The following AKAP6 variants were observed in gnomAD, a reference collection of about 807,000 sequenced individuals.
The protein encoded by AKAP6 is A-kinase anchor protein 6.
AKAP6 carries 58 observed loss-of-function variants against 188.5 expected under a neutral mutation model. The ratio of observed to expected loss-of-function variants is 0.31; its 90% CI spans 0.25 to 0.38. The LOEUF (loss-of-function observed/expected upper bound fraction) is 0.38, where lower values mean the gene tolerates loss of function less well. Among genes scored for constraint, AKAP6 ranks in the 10% least tolerant of loss-of-function variants. The pLI is 1.00. For synonymous variants in AKAP6, 989 were observed against 998.6 expected, an observed-to-expected ratio of 0.99 and a Z score of 0.18; for missense variants, 2,710 against 2,740.0, an observed-to-expected ratio of 0.99 and a Z score of 0.24.
intron 12 of AKAP6, among the ~76,000 whole-genome samples, chr14:32,814,979 T>C (rs1023304977): frequency 9.8e-5 from 15 of 152,298 alleles, no homozygotes; most frequent in Non-Finnish European, 2.9e-5. Flanking sequence ...ACAGTCAGAG[T>C]ACCTGTCCTC....
intron 2 of AKAP6, among the ~76,000 whole-genome samples, chr14:32,472,369 T>C (rs951345671): frequency 6.6e-6 from 1 of 152,056 alleles, no homozygotes; most frequent in African/African-American, 2.4e-5. Flanking sequence ...GTGGGGTAAA[T>C]AAGTGTCTTG....
chr14:32,488,609 C>G (rs1879828469), intron 2 of AKAP6, among the ~76,000 whole-genome samples: 1 of 152,180 alleles, frequency 6.6e-6, no homozygotes, highest in Non-Finnish European at 1.5e-5. Context: ...AGCTAGGTAT[C>G]TGCTCAAATG....
chr14:32,577,260 G>T lies in AKAP6; in HGVS notation c.2469+18G>T. ...CACACTTGGTAGGCAAGATTGTGTT[G>T]TTCTTGCTGTCAATAATCAAAGGAT... On this transcript the variant is annotated intron_variant, in intron 5 of 13. Transcript: ENST00000280979. 3 of 1,601,998 alleles carry T rather than the reference G, an allele frequency of 1.9e-6. No individual in the cohort carries two copies. The South Asian group carries it at 3.4e-5, about 18-fold the overall frequency.
chr14:32,490,154 G>A (rs1594671161), intron 2 of AKAP6, among the ~76,000 whole-genome samples: 1 of 146,406 alleles, frequency 6.8e-6, no homozygotes, highest in Admixed American at 6.8e-5. Context: ...GGATAGGGCA[G>A]AACAAATCAC....
chr14:32,811,935 G>A (rs2034247392), intron 12 of AKAP6, among the ~76,000 whole-genome samples: 1 of 152,232 alleles, frequency 6.6e-6, no homozygotes, highest in South Asian at 2.1e-4. Flanking sequence ...AACTTCACTT[G>A]TTTACATGAC....
rs547401145 is a variant in AKAP6, at chr14:32,566,334, T to TATTA, written c.2347-10785_2347-10782dup. Among the ~76,000 whole-genome samples the TATTA allele has an allele frequency of 3.9e-5, 6 of 151,914 alleles. No homozygotes were observed. The South Asian group carries it at 1.2e-3, about 31-fold the overall frequency. On this transcript the variant is annotated intron_variant, in intron 4 of 13. Transcript: ENST00000280979. ...ATGTTCATATATTTATGTTAATATA[T>TATTA]ATTATTATTTTTAGTTAATACATAT...
chr14:32,706,057 A>G (rs1420449639), intron 9 of AKAP6, among the ~76,000 whole-genome samples: 1 of 152,130 alleles, frequency 6.6e-6, no homozygotes, highest in Admixed American at 6.6e-5. Flanking sequence ...AGCTAGAAAT[A>G]TTTGTGGAGC....
Position 32,545,771 on chromosome 14 carries a change from T to G in AKAP6, c.1118T>G (p.Ile373Ser). The G allele has an allele frequency of 6.2e-7, 1 of 1,614,150 alleles. No individual in the cohort carries two copies. ...PCENATPKRT[I>S]RDCFNYNEDS... The stretch of plus-strand genomic sequence containing the variant: ...GAAAATGCAACCCCCAAACGAACCA[T>G]CAGAGATTGCTTTAATTATAACGAG... The change falls in exon 4 of 14, where the codon ATC becomes AGC. Residue 373 changes from isoleucine (I) to serine (S), a missense_variant. By Grantham distance (142) the Ile-to-Ser change is moderately radical. Coordinates refer to ENST00000280979, the MANE Select transcript of AKAP6 (RefSeq NM_004274.5).
At chr14:32,671,722 TGCAGATAG>T (rs1248608489) in intron 7 of AKAP6, among the ~76,000 whole-genome samples, 1 of 152,076 alleles carries the variant, frequency 6.6e-6, no homozygotes, top group African/African-American at 2.4e-5. Flanking sequence ...TGCACCCAGA[TGCAGATAG>T]GCAGTAGTAG....
intron 1 of AKAP6, among the ~76,000 whole-genome samples, chr14:32,344,129 T>G (rs1886988747): frequency 1.3e-5 from 2 of 152,162 alleles, no homozygotes; most frequent in Non-Finnish European, 2.9e-5. Context: ...CCAGTCCCTT[T>G]TGCTACTCAT....
chr14:32,706,785 A>AT (rs1890829256), intron 9 of AKAP6, among the ~76,000 whole-genome samples: 2 of 152,072 alleles, frequency 1.3e-5, no homozygotes, highest in South Asian at 4.1e-4. Flanking sequence ...ACCTTGATTC[A>AT]TTTACATAAG....
At chr14:32,616,702 G>C in intron 7 of AKAP6, among the ~76,000 whole-genome samples, 1 of 151,892 alleles carries the variant, frequency 6.6e-6, no homozygotes, top group East Asian at 1.9e-4. Flanking sequence ...CCCAATAACA[G>C]GTTTACCTGT....
intron 9 of AKAP6, among the ~76,000 whole-genome samples, chr14:32,702,562 A>G (rs1277364524): frequency 2.6e-5 from 4 of 152,052 alleles, no homozygotes; most frequent in Non-Finnish European, 5.9e-5. Flanking sequence ...AAAAGAAAAA[A>G]AAAAAGATGT....
chr14:32,561,660 T>C (rs1242265915), intron 4 of AKAP6, among the ~76,000 whole-genome samples: 1 of 152,216 alleles, frequency 6.6e-6, no homozygotes, highest in Non-Finnish European at 1.5e-5. Context: ...GCTGCATTCC[T>C]AGCACTGTAA....
rs189662201 is a variant in AKAP6 at position 32,701,845 on chromosome 14, G to A, written c.3000+5735G>A. 1.4e-4 allele frequency among the ~76,000 whole-genome samples: 21 copies of A among 152,250 alleles called. 1 individual carries two copies. Among genetic ancestry groups the A allele is most frequent in the Admixed American group, 1.4e-3 (21 of 15,298 alleles). On this transcript the variant is annotated intron_variant, in intron 9 of 13. Transcript: ENST00000280979. ...AAACTTGAGCCCCTAAAAGTGTAAT[G>A]TTAGGTTGGTTCATGGTCCAGGTCA...
intron 7 of AKAP6, among the ~76,000 whole-genome samples, chr14:32,606,446 G>A (rs934173454): frequency 1.3e-5 from 2 of 152,042 alleles, no homozygotes; most frequent in Non-Finnish European, 2.9e-5. Flanking sequence ...CACTTACGAA[G>A]CATGCATTAT....
At chr14:32,826,052 ATTAT>A (rs2034664959) in intron 13 of AKAP6, among the ~76,000 whole-genome samples, 1 of 152,204 alleles carries the variant, frequency 6.6e-6, no homozygotes, top group Non-Finnish European at 1.5e-5. Flanking sequence ...TTAAAAACAC[ATTAT>A]TTAATTTGAA....
chr14:32,623,449 C>T (rs1886892886), intron 7 of AKAP6, among the ~76,000 whole-genome samples: 1 of 152,060 alleles, frequency 6.6e-6, no homozygotes, highest in Non-Finnish European at 1.5e-5. Context: ...TTTCACTTCC[C>T]ACATCCCCCT....
intron 7 of AKAP6, among the ~76,000 whole-genome samples, chr14:32,653,474 G>A (rs1257557761): frequency 1.3e-5 from 2 of 152,068 alleles, no homozygotes; most frequent in African/African-American, 4.8e-5. Flanking sequence ...TCTCTCACTT[G>A]CTCCTGCATT....
Sources: allele counts gnomAD v4.1 joint callset (sites outside exome capture counted in the v4.1 genomes callset), GRCh38; gene constraint gnomAD v4.1.1; transcripts MANE v1.5; gene names NCBI Gene and HGNC (gene_info 2026-07-23, HGNC 2026-07-21).